The following PIGN variants were observed in gnomAD, a reference collection of about 807,000 sequenced individuals.
PIGN encodes the protein phosphatidylinositol glycan anchor biosynthesis class N.
PIGN carries 117 observed loss-of-function variants against 125.4 expected under a neutral mutation model. The ratio of observed to expected loss-of-function variants is 0.93; its 90% CI spans 0.80 to 1.09. The LOEUF (loss-of-function observed/expected upper bound fraction) is 1.09. Among genes scored for constraint, PIGN ranks in the 50% least tolerant of loss-of-function variants. The probability of loss-of-function intolerance (pLI) is 0.00; values close to 1 mark genes in which losing one functional copy is unlikely to be tolerated. For synonymous variants in PIGN, 392 were observed against 377.8 expected, an observed-to-expected ratio of 1.04 and a Z score of -0.44; for missense variants, 1,075 against 1,094.9, an observed-to-expected ratio of 0.98 and a Z score of 0.26.
chr18:62,156,102 A>G (rs1261673623), intron 6 of PIGN, among the ~76,000 whole-genome samples: 1 of 152,232 alleles, frequency 6.6e-6, no homozygotes, highest in African/African-American at 2.4e-5. Flanking sequence ...ATTTAATGAC[A>G]TGAAATTCAT....
At chr18:62,068,225 T>C (rs988667358) in intron 30 of PIGN, among the ~76,000 whole-genome samples, 3 of 152,160 alleles carry the variant, frequency 2.0e-5, no homozygotes, top group Non-Finnish European at 4.4e-5. Flanking sequence ...AGCCTGTTGA[T>C]ATCATCATTT....
At chr18:62,092,655 T>A (rs1307064618) in intron 23 of PIGN, among the ~76,000 whole-genome samples, 2 of 152,026 alleles carry the variant, frequency 1.3e-5, no homozygotes, top group Non-Finnish European at 2.9e-5. Flanking sequence ...ATTAATTCTA[T>A]GTTAAAAAGA....
chr18:62,061,511 CAAAAAAAAAAAAAAA>C (rs373391589), intron 30 of PIGN, among the ~76,000 whole-genome samples: 1 of 33,210 alleles, frequency 3.0e-5, no homozygotes, highest in South Asian at 1.1e-3. Context: ...GACTCCGTCT[CAAAAAAAAAAAAAAA>C]AAAAAAAAAA....
At chr18:62,095,271 G>C (rs2034132524) in intron 23 of PIGN, among the ~76,000 whole-genome samples, 1 of 152,192 alleles carries the variant, frequency 6.6e-6, no homozygotes, top group South Asian at 2.1e-4. Context: ...TTAATGGACA[G>C]AGTATATCCC....
At chr18:62,105,495 G>A in intron 20 of PIGN, 48 bp downstream of exon 20, 1 of 1,095,000 alleles carries the variant, frequency 9.1e-7, no homozygotes, top group South Asian at 1.4e-5. Flanking sequence ...GTTAATTGAG[G>A]AAAAAAAAGT....
intron 30 of PIGN, among the ~76,000 whole-genome samples, chr18:62,060,008 T>C (rs1473471298): frequency 6.6e-6 from 1 of 152,200 alleles, no homozygotes; most frequent in Non-Finnish European, 1.5e-5. Flanking sequence ...AGTCTGTCTA[T>C]AAAAGGCATT....
At chr18:62,120,272 A>C (rs532771872) in intron 14 of PIGN, among the ~76,000 whole-genome samples, 1 of 152,346 alleles carries the variant, frequency 6.6e-6, no homozygotes, top group East Asian at 1.9e-4. Flanking sequence ...TGGTCACTGA[A>C]CAGGAATGAT....
chr18:62,152,396 G>A (rs879891934), intron 7 of PIGN, among the ~76,000 whole-genome samples: 1 of 151,804 alleles, frequency 6.6e-6, no homozygotes, highest in Non-Finnish European at 1.5e-5. Context: ...GGTATAATGA[G>A]GCATGTCCAA....
chr18:62,032,671 A>T (rs1264106035), intron 23 of PIGN, among the ~76,000 whole-genome samples: 2 of 152,230 alleles, frequency 1.3e-5, no homozygotes, highest in East Asian at 3.8e-4. Context: ...TTTTTTTAAA[A>T]GTCTCATTGT....
chr18:62,110,479 T>A (rs1407411494), intron 16 of PIGN, among the ~76,000 whole-genome samples: 1 of 152,166 alleles, frequency 6.6e-6, no homozygotes, highest in Non-Finnish European at 1.5e-5. Context: ...CCCAATCACC[T>A]GCCAAAACAG....
At chr18:62,099,912 C>T (rs72939794) in intron 22 of PIGN, among the ~76,000 whole-genome samples, 25,711 of 151,946 alleles carry the variant, frequency 0.17, 2,927 homozygotes, top group Middle Eastern at 0.28. Context: ...CTGACAAAGA[C>T]ATTTTGGGTA....
rs530502621 is a variant in PIGN, at chr18:62,041,860, A to G, written c.*3996T>C. On this transcript the variant is annotated 3_prime_UTR_variant, in exon 31 of 31. Coordinates refer to ENST00000640252, the MANE Select transcript of PIGN (RefSeq NM_176787.5). ...ACATTTCTTATGTTTACCAATCAGG[A>G]AGAAAACTCTAAGACAGGGTCTGCT... 6.6e-6 allele frequency: 1 copy of G among 152,176 alleles called. No homozygotes were observed. Among genetic ancestry groups the G allele is most frequent in the African/African-American group, 2.4e-5 (1 of 41,504 alleles). The allele number at this position is 152,176 out of a possible 1,614,324, so 9.4% of individuals were successfully genotyped here. A position where few individuals can be genotyped will look rare whatever the true frequency, so the allele number is the denominator to read the frequency against.
At chr18:62,125,104 G>A (rs1352946541) in intron 14 of PIGN, among the ~76,000 whole-genome samples, 19 of 140,174 alleles carry the variant, frequency 1.4e-4, no homozygotes, top group Admixed American at 1.3e-3. Flanking sequence ...ATATATACAC[G>A]TTTGTACATA....
At chr18:62,171,577 T>G (rs952671137) in intron 1 of PIGN, among the ~76,000 whole-genome samples, 3 of 152,194 alleles carry the variant, frequency 2.0e-5, no homozygotes, top group African/African-American at 7.2e-5. Flanking sequence ...TTTTCCAGGT[T>G]TTTGTAGATT....
chr18:62,068,908 C>A (rs1422077884), intron 30 of PIGN, among the ~76,000 whole-genome samples: 1 of 152,192 alleles, frequency 6.6e-6, no homozygotes, highest in African/African-American at 2.4e-5. Flanking sequence ...CCTTAAGCTA[C>A]AAGACTCAGA....
intron 1 of PIGN, among the ~76,000 whole-genome samples, chr18:62,183,007 A>G (rs184074541): frequency 5.1e-4 from 78 of 152,334 alleles, no homozygotes; most frequent in Non-Finnish European, 6.8e-4. Flanking sequence ...GATAGAAGGA[A>G]TAAGTTCAAG....
intron 21 of PIGN, among the ~76,000 whole-genome samples, 192 bp from the exon 22 acceptor site, chr18:62,101,375 AAC>A (rs1247781815): frequency 6.6e-6 from 1 of 152,232 alleles, no homozygotes; most frequent in Non-Finnish European, 1.5e-5. Flanking sequence ...TGAATTTTGT[AAC>A]AGAGTTACCT....
chr18:62,113,059 T>A, intron 16 of PIGN, 75 bp downstream of exon 16: 1 of 1,130,546 alleles, frequency 8.8e-7, no homozygotes. Flanking sequence ...TTGCACATCC[T>A]ATAAACTCAT....
chr18:62,091,856 T>A (rs973004284), intron 23 of PIGN, among the ~76,000 whole-genome samples: 1 of 152,216 alleles, frequency 6.6e-6, no homozygotes, highest in Admixed American at 6.5e-5. Context: ...CAAGTCTGTC[T>A]GTCTCATTAC....
Sources: gnomAD v4.1 joint callset for allele counts (sites outside exome capture counted in the v4.1 genomes callset) on GRCh38, gnomAD v4.1.1 for gene constraint, MANE v1.5 for transcripts, NCBI Gene and HGNC (gene_info 2026-07-23, HGNC 2026-07-21) for gene names.